SCAF11: variants seen among roughly 807,000 people sequenced by gnomAD.
The protein encoded by SCAF11 is protein SCAF11.
SCAF11 carries 47 observed loss-of-function variants against 140.5 expected under a neutral mutation model. The observed-to-expected ratio is 0.33, with a 90% CI of 0.26 to 0.43. SCAF11 has a LOEUF of 0.43. Among genes scored for constraint, SCAF11 ranks in the 20% least tolerant of loss-of-function variants. SCAF11 has a pLI of 1.00. For missense variants in SCAF11, 1,645 were observed against 1,705.1 expected (o/e 0.96, Z 0.62); for synonymous variants, 557 against 579.4 (o/e 0.96, Z 0.55).
At chr12:45,983,057 G>A (rs1273138819) in intron 1 of SCAF11, among the ~76,000 whole-genome samples, 5 of 152,252 alleles carry the variant, frequency 3.3e-5, no homozygotes, top group African/African-American at 1.2e-4. Context: ...GGCAAGTAAA[G>A]AAAAATAATG....
At chr12:45,950,074 A>G (rs1360639718) in intron 4 of SCAF11, among the ~76,000 whole-genome samples, 5 of 152,156 alleles carry the variant, frequency 3.3e-5, no homozygotes, top group Non-Finnish European at 7.4e-5. Context: ...CCCACAAGAG[A>G]AGGATGTTTT....
At chr12:45,929,706 G>C (rs778208096) in intron 10 of SCAF11, 8 of 152,134 alleles carry the variant, frequency 5.3e-5, no homozygotes, top group Non-Finnish European at 1.0e-4. Flanking sequence ...CTGACTAACA[G>C]ATAAAACTGT....
chr12:45,962,001 T>C, intron 2 of SCAF11, 144 bp from the exon 3 acceptor site: 1 of 499,274 alleles, frequency 2.0e-6, no homozygotes, highest in Non-Finnish European at 3.3e-6. Flanking sequence ...GCAAACATAC[T>C]GCTTGAGCCC....
Position 45,928,624 on chromosome 12 carries a change from G to C in SCAF11, c.1077C>G (p.Pro359=). Residue 359 remains proline (P), a synonymous_variant, in exon 11 of 15, where the codon CCC becomes CCG. Transcript: ENST00000369367. ...PGNSNPSLSV[P]SSAESEKQTR... ...TTTGCTTTTCTGACTCAGCTGAAGA[G>C]GGAACACTTAAAGATGGATTACTGT... 4.3e-6 allele frequency: 7 copies of C among 1,614,082 alleles called. No homozygotes were observed. Among genetic ancestry groups the C allele is most frequent in the Non-Finnish European group, 5.9e-6 (7 of 1,179,990 alleles).
intron 1 of SCAF11, among the ~76,000 whole-genome samples, chr12:45,983,281 AAAG>A (rs1946385932): frequency 6.6e-6 from 1 of 152,172 alleles, no homozygotes; most frequent in Non-Finnish European, 1.5e-5. Context: ...GAGAAAATGG[AAAG>A]AAGACTAGAT....
At chr12:45,922,899 A>G (rs759509603) in intron 13 of SCAF11, 37 bp downstream of exon 13, 5 of 1,569,288 alleles carry the variant, frequency 3.2e-6, no homozygotes, top group African/African-American at 2.7e-5. Context: ...TTTATCATAT[A>G]CAGAATTATG....
intron 6 of SCAF11, among the ~76,000 whole-genome samples, chr12:45,936,172 C>T (rs1269481864): frequency 1.3e-5 from 2 of 150,260 alleles, no homozygotes; most frequent in Non-Finnish European, 3.0e-5. Flanking sequence ...AACAGAATCT[C>T]GCTTTGTTGG....
chr12:45,925,607 A>G (rs1345220396), intron 11 of SCAF11, among the ~76,000 whole-genome samples: 2 of 152,130 alleles, frequency 1.3e-5, no homozygotes, highest in African/African-American at 4.8e-5. Context: ...CATGCAAAAC[A>G]TACATCAACA....
chr12:45,990,224 A>G, intron 1 of SCAF11, 129 bp downstream of exon 1: 2 of 1,196,184 alleles, frequency 1.7e-6, no homozygotes, highest in Non-Finnish European at 2.1e-6. Context: ...GGGCCGCGCG[A>G]GATTCCGAAA....
Position 45,961,787 on chromosome 12 carries a change from A to G in SCAF11, c.132T>C (p.Cys44=). The G allele has an allele frequency of 6.2e-7, 1 of 1,613,118 alleles. No homozygotes were observed. The highest frequency in any genetic ancestry group is 8.5e-7 in the Non-Finnish European group (1 of 1,179,268). ...CTTCCTTTTCTAATAGACAATTAAGACATATTGGGCATCTGTCAGCCTCAC... is the reference window on the plus strand; with the variant it reads ...CTTCCTTTTCTAATAGACAATTAAGGCATATTGGGCATCTGTCAGCCTCAC... The part of the protein sequence containing the change: ...LYSEADRCPI[C]LNCLLEKEVG... The change falls in exon 3 of 15, where the codon TGT becomes TGC. Residue 44 remains cysteine, a synonymous_variant. Coordinates refer to ENST00000369367, the MANE Select transcript of SCAF11 (RefSeq NM_004719.3).
intron 1 of SCAF11, among the ~76,000 whole-genome samples, chr12:45,984,294 G>T (rs1946413795): frequency 6.6e-6 from 1 of 152,148 alleles, no homozygotes; most frequent in Non-Finnish European, 1.5e-5. Context: ...GGGTTTGCCT[G>T]ATACTTCCTT....
chr12:45,964,545 T>C (rs979039744), intron 1 of SCAF11, among the ~76,000 whole-genome samples: 1 of 151,834 alleles, frequency 6.6e-6, no homozygotes, highest in Non-Finnish European at 1.5e-5. Context: ...CAGGTGCCTG[T>C]AGTCCCAGCT....
intron 2 of SCAF11, among the ~76,000 whole-genome samples, chr12:45,963,172 T>A (rs1367698126): frequency 1.3e-5 from 2 of 151,824 alleles, no homozygotes; most frequent in African/African-American, 4.8e-5. Context: ...CTAATTGAAA[T>A]CCAAAAGAGA....
chr12:45,952,306 T>C (rs1945569021), intron 3 of SCAF11, among the ~76,000 whole-genome samples: 1 of 152,214 alleles, frequency 6.6e-6, no homozygotes, highest in Non-Finnish European at 1.5e-5. Context: ...ATCTTTTTAA[T>C]ATATAAACTT....
At chr12:45,943,314 A>G (rs75526996) in intron 6 of SCAF11, among the ~76,000 whole-genome samples, 1,603 of 152,286 alleles carry the variant, frequency 0.011, 19 homozygotes, top group South Asian at 0.025. Context: ...TCCAGATACA[A>G]ACAATTCTTA....
intron 2 of SCAF11, among the ~76,000 whole-genome samples, chr12:45,962,518 T>G (rs1945854194): frequency 6.6e-6 from 1 of 152,162 alleles, no homozygotes; most frequent in East Asian, 1.9e-4. Flanking sequence ...TACTTTAAAC[T>G]CCCACCAGTA....
At chr12:45,961,330 A>T (rs1223343893) in intron 3 of SCAF11, 3 of 716,052 alleles carry the variant, frequency 4.2e-6, no homozygotes, top group Non-Finnish European at 2.6e-6. Context: ...TCCCTGAAAA[A>T]TATAAAACAA....
At chr12:45,965,050 T>C (rs887103415) in intron 1 of SCAF11, among the ~76,000 whole-genome samples, 4 of 151,954 alleles carry the variant, frequency 2.6e-5, no homozygotes, top group African/African-American at 9.7e-5. Flanking sequence ...TGAGAGGTAA[T>C]AAGAAATAAG....
intron 9 of SCAF11, 109 bp from the exon 10 acceptor site, chr12:45,931,721 T>A: frequency 2.0e-6 from 1 of 509,336 alleles, no homozygotes; most frequent in Non-Finnish European, 3.4e-6. Flanking sequence ...ATACAGTGCT[T>A]AAATGTTTTT....
Sources: gnomAD v4.1 joint callset for allele counts (sites outside exome capture counted in the v4.1 genomes callset) on GRCh38, gnomAD v4.1.1 for gene constraint, MANE v1.5 for transcripts, NCBI Gene and HGNC (gene_info 2026-07-23, HGNC 2026-07-21) for gene names.